Variants in SIK3 observed in about 807,000 individuals in gnomAD.
SIK3 encodes the protein SIK family kinase 3.
SIK3 carries 28 observed loss-of-function variants against 144.2 expected under a neutral mutation model. The ratio of observed to expected loss-of-function variants is 0.19; its 90% CI spans 0.14 to 0.27. The LOEUF (loss-of-function observed/expected upper bound fraction) is 0.27, where lower values mean the gene tolerates loss of function less well. Among genes scored for constraint, SIK3 ranks in the 10% least tolerant of loss-of-function variants. SIK3 has a pLI of 1.00. For missense variants in SIK3, 1,319 were observed against 1,776.0 expected (o/e 0.74, Z 4.62); for synonymous variants, 686 against 676.3 (o/e 1.01, Z -0.22).
At chr11:117,038,672 G>T (rs1164595654) in intron 1 of SIK3, among the ~76,000 whole-genome samples, 1 of 151,168 alleles carries the variant, frequency 6.6e-6, no homozygotes, top group African/African-American at 2.4e-5. Flanking sequence ...TTCTTTATTT[G>T]CAATGACTCT....
intron 6 of SIK3, among the ~76,000 whole-genome samples, chr11:116,879,760 T>C (rs1944454408): frequency 6.6e-6 from 1 of 152,216 alleles, no homozygotes; most frequent in Non-Finnish European, 1.5e-5. Context: ...AGTGTACATC[T>C]CAAAGACTTC....
chr11:117,007,498 C>T (rs541603851), intron 1 of SIK3, among the ~76,000 whole-genome samples: 4 of 152,348 alleles, frequency 2.6e-5, no homozygotes, highest in African/African-American at 9.6e-5. Context: ...CAAAGCAACA[C>T]ACCTGTACTC....
chr11:116,872,482 G>A (rs1436246121), intron 13 of SIK3, among the ~76,000 whole-genome samples: 7 of 152,098 alleles, frequency 4.6e-5, no homozygotes, highest in Non-Finnish European at 1.0e-4. Context: ...TGATGGCAAG[G>A]GCTATGATAT....
chr11:117,008,958 G>A (rs1393511075), intron 1 of SIK3, among the ~76,000 whole-genome samples: 2 of 152,142 alleles, frequency 1.3e-5, no homozygotes, highest in Non-Finnish European at 2.9e-5. Flanking sequence ...GATGTAGCCA[G>A]GTGCGGTGGC....
At chr11:117,035,995 G>A in intron 1 of SIK3, 2 of 1,546,440 alleles carry the variant, frequency 1.3e-6, no homozygotes, top group Non-Finnish European at 1.8e-6. Flanking sequence ...GTTTCTTCTT[G>A]TGTTTCCTCT....
chr11:116,973,839 G>T (rs1017971552), intron 1 of SIK3, among the ~76,000 whole-genome samples: 1 of 152,112 alleles, frequency 6.6e-6, no homozygotes, highest in Non-Finnish European at 1.5e-5. Flanking sequence ...TACCTGACCA[G>T]TACTACTCAA....
chr11:116,896,785 G>T (rs1054593240), intron 5 of SIK3, among the ~76,000 whole-genome samples: 4 of 152,168 alleles, frequency 2.6e-5, no homozygotes, highest in Admixed American at 2.6e-4. Context: ...CAGCATTTTG[G>T]GAGGCCAAGG....
intron 1 of SIK3, among the ~76,000 whole-genome samples, chr11:116,980,356 T>C (rs1457404091): frequency 6.6e-6 from 1 of 152,144 alleles, no homozygotes; most frequent in Non-Finnish European, 1.5e-5. Context: ...CTTTTCCGCT[T>C]ATCACTAGAG....
In SIK3 at chr11:117,064,866, T is replaced by G. The variant is rs181098795; in HGVS notation, c.273+33277A>C. Among the ~76,000 whole-genome samples the G allele has an allele frequency of 4.6e-5, 7 of 152,286 alleles. No homozygotes were observed. In the East Asian group the frequency reaches 1.3e-3, roughly 29 times the overall value. On this transcript the variant is annotated intron_variant, in intron 1 of 24. Transcript: ENST00000445177. ...GAATTGATCCCATAGAAAGTAACTT[T>G]GTCGGCCAGGCGGTGGCTCACGCCT... is the stretch of plus-strand genomic sequence containing the variant.
chr11:117,061,352 C>T (rs1405125962), intron 1 of SIK3, among the ~76,000 whole-genome samples: 2 of 152,086 alleles, frequency 1.3e-5, no homozygotes. Context: ...TGAGCGAACA[C>T]GCATGTGGTA....
chr11:116,910,532 A>G (rs1946284579), intron 4 of SIK3, among the ~76,000 whole-genome samples: 1 of 152,126 alleles, frequency 6.6e-6, no homozygotes, highest in Non-Finnish European at 1.5e-5. Context: ...GGCACTTTGT[A>G]TTTGGTAACA....
intron 1 of SIK3, among the ~76,000 whole-genome samples, chr11:117,050,541 C>T (rs890137670): frequency 2.0e-5 from 3 of 151,322 alleles, no homozygotes; most frequent in Non-Finnish European, 4.4e-5. Context: ...CAAAAATTAG[C>T]CAGGCGTGGT....
intron 1 of SIK3, among the ~76,000 whole-genome samples, chr11:117,087,426 G>C (rs768649592): frequency 5.9e-5 from 9 of 151,538 alleles, no homozygotes; most frequent in African/African-American, 2.0e-4. Flanking sequence ...CTGGGTGACA[G>C]AGCAAGACTC....
chr11:117,063,492 A>AAT (rs1953888070), intron 1 of SIK3, among the ~76,000 whole-genome samples: 1 of 152,192 alleles, frequency 6.6e-6, no homozygotes, highest in South Asian at 2.1e-4. Context: ...TGAAAAGGTA[A>AAT]ATAATCCTTC....
chr11:116,998,553 A>G (rs904447524), intron 1 of SIK3, among the ~76,000 whole-genome samples: 73 of 152,134 alleles, frequency 4.8e-4, no homozygotes, highest in Non-Finnish European at 3.8e-4. Flanking sequence ...TGGATTTGGG[A>G]TGTAAAGAGA....
chr11:117,072,676 T>C (rs1288830358), intron 1 of SIK3, among the ~76,000 whole-genome samples: 2 of 152,270 alleles, frequency 1.3e-5, no homozygotes, highest in South Asian at 2.1e-4. Context: ...GGTAGTTGTG[T>C]AATCAAATGG....
At chr11:116,938,163 C>T (rs1451214520) in intron 3 of SIK3, among the ~76,000 whole-genome samples, 2 of 130,430 alleles carry the variant, frequency 1.5e-5, no homozygotes, top group East Asian at 2.4e-4. Flanking sequence ...TGAGTTCACA[C>T]CACTGCACTC....
intron 3 of SIK3, among the ~76,000 whole-genome samples, chr11:116,942,483 AAT>A (rs1948367578): frequency 6.6e-6 from 1 of 152,224 alleles, no homozygotes; most frequent in Non-Finnish European, 1.5e-5. Context: ...AAAACAAATA[AAT>A]ATATGTCAGT....
intron 1 of SIK3, among the ~76,000 whole-genome samples, chr11:116,987,743 A>G (rs564448496): frequency 1.3e-5 from 2 of 152,378 alleles, no homozygotes; most frequent in East Asian, 3.9e-4. Flanking sequence ...AGGTAGTAGT[A>G]AACCACGTCC....
Sources: allele counts gnomAD v4.1 joint callset (sites outside exome capture counted in the v4.1 genomes callset), GRCh38; gene constraint gnomAD v4.1.1; transcripts MANE v1.5; gene names NCBI Gene and HGNC (gene_info 2026-07-23, HGNC 2026-07-21).